The following TAFA5 variants were observed in gnomAD, a reference collection of about 807,000 sequenced individuals.
TAFA5 encodes chemokine-like protein TAFA-5.
TAFA5 carries 6 observed loss-of-function variants against 15.3 expected under a neutral mutation model. The observed-to-expected ratio is 0.39, with a 90% CI of 0.21 to 0.77. The LOEUF is 0.77. Among genes scored for constraint, TAFA5 ranks in the 30% least tolerant of loss-of-function variants. The pLI is 0.41. For synonymous variants in TAFA5, 103 were observed against 80.7 expected, an observed-to-expected ratio of 1.28 and a Z score of -1.48; for missense variants, 161 against 193.1, an observed-to-expected ratio of 0.83 and a Z score of 0.98.
At chr22:48,623,769 T>C (rs1925935352) in intron 1 of TAFA5, among the ~76,000 whole-genome samples, 1 of 152,248 alleles carries the variant, frequency 6.6e-6, no homozygotes, top group Non-Finnish European at 1.5e-5. Flanking sequence ...CCCTTCGTAT[T>C]TCCTACAGAT....
chr22:48,496,975 C>T (rs2147093496), intron 1 of TAFA5, among the ~76,000 whole-genome samples: 1 of 152,334 alleles, frequency 6.6e-6, no homozygotes, highest in African/African-American at 2.4e-5. Context: ...CCTCACCTCC[C>T]AGCCACCAGG....
At chr22:48,687,934 C>T (rs1301823259) in intron 2 of TAFA5, among the ~76,000 whole-genome samples, 1 of 152,158 alleles carries the variant, frequency 6.6e-6, no homozygotes, top group Non-Finnish European at 1.5e-5. Context: ...ACTGCGGCTG[C>T]CTCTCCTGTC....
At chr22:48,529,648 C>T (rs184525685) in intron 1 of TAFA5, among the ~76,000 whole-genome samples, 65 of 84,010 alleles carry the variant, frequency 7.7e-4, no homozygotes, top group African/African-American at 3.0e-3. Flanking sequence ...TGAGGGTGTC[C>T]AGGCAGGAGA....
chr22:48,743,659 G>T (rs1930245666), intron 3 of TAFA5, among the ~76,000 whole-genome samples: 1 of 152,210 alleles, frequency 6.6e-6, no homozygotes, highest in African/African-American at 2.4e-5. Flanking sequence ...GGAGCGGACT[G>T]TGGGGGAGCT....
At chr22:48,734,791 G>T (rs968447419) in intron 3 of TAFA5, among the ~76,000 whole-genome samples, 1 of 152,236 alleles carries the variant, frequency 6.6e-6, no homozygotes, top group Non-Finnish European at 1.5e-5. Context: ...TCTCAAATCA[G>T]TGAGGATGGG....
At chr22:48,684,126 C>A (rs1171372545) in intron 2 of TAFA5, among the ~76,000 whole-genome samples, 1 of 152,040 alleles carries the variant, frequency 6.6e-6, no homozygotes, top group Non-Finnish European at 1.5e-5. Flanking sequence ...ATGGAGTGAG[C>A]CGTTACCTGA....
At chr22:48,710,376 C>T (rs1929213652) in intron 3 of TAFA5, among the ~76,000 whole-genome samples, 1 of 152,188 alleles carries the variant, frequency 6.6e-6, no homozygotes, top group South Asian at 2.1e-4. Flanking sequence ...CCCAGCCCTC[C>T]CTGCCTCCTG....
chr22:48,541,222 A>G (rs550286662), intron 1 of TAFA5, among the ~76,000 whole-genome samples: 1 of 150,932 alleles, frequency 6.6e-6, no homozygotes, highest in Admixed American at 6.6e-5. Flanking sequence ...AACCTGTACC[A>G]TTTGGGGCAC....
chr22:48,690,683 G>A (rs765547826), intron 2 of TAFA5, among the ~76,000 whole-genome samples: 15 of 152,222 alleles, frequency 9.9e-5, no homozygotes, highest in Non-Finnish European at 2.1e-4. Flanking sequence ...CTGTAGTGTA[G>A]CATCTTGGAC....
In TAFA5 at chr22:48,516,059, A is replaced by G. The variant is rs528650843; in HGVS notation, c.112+26355A>G. On this transcript the variant is annotated intron_variant, in intron 1 of 3. Coordinates refer to ENST00000402357, the MANE Select transcript of TAFA5 (RefSeq NM_001082967.3). ...CACCCGCCGGCCTTGACCTCACCCA[A>G]TGGCAGGTTGAGGAGAAACAGACTT... Among the ~76,000 whole-genome samples the G allele has an allele frequency of 1.1e-4, 16 of 152,038 alleles. No individual in the cohort carries two copies. In the East Asian group the frequency reaches 2.9e-3, roughly 28 times the overall value.
intron 3 of TAFA5, among the ~76,000 whole-genome samples, chr22:48,718,498 C>T (rs1056704986): frequency 2.6e-5 from 4 of 152,058 alleles, no homozygotes; most frequent in Admixed American, 2.0e-4. Flanking sequence ...CCTGTGTGGG[C>T]GCCATCCTCC....
chr22:48,680,177 AC>A (rs1406958694), intron 2 of TAFA5, among the ~76,000 whole-genome samples: 1 of 151,812 alleles, frequency 6.6e-6, no homozygotes, highest in Non-Finnish European at 1.5e-5. Flanking sequence ...CCACCTGCTC[AC>A]CCCAGACCCC....
intron 2 of TAFA5, among the ~76,000 whole-genome samples, chr22:48,681,699 G>A (rs1332374055): frequency 6.6e-6 from 1 of 151,872 alleles, no homozygotes; most frequent in East Asian, 1.9e-4. Flanking sequence ...GAGGCAAGAA[G>A]TTTCCAAGAG....
At chr22:48,746,676 G>T (rs1930337269) in intron 3 of TAFA5, among the ~76,000 whole-genome samples, 1 of 152,168 alleles carries the variant, frequency 6.6e-6, no homozygotes, top group African/African-American at 2.4e-5. Context: ...GACCCGGGAG[G>T]TGTGCCCCGC....
At chr22:48,682,662 ACAGT>A (rs1928229815) in intron 2 of TAFA5, among the ~76,000 whole-genome samples, 1 of 152,222 alleles carries the variant, frequency 6.6e-6, no homozygotes, top group African/African-American at 2.4e-5. Flanking sequence ...ACCCAGAAGC[ACAGT>A]CATTGTCGCT....
chr22:48,689,095 C>A (rs963757402), intron 2 of TAFA5, among the ~76,000 whole-genome samples: 11 of 152,086 alleles, frequency 7.2e-5, no homozygotes, highest in Admixed American at 3.9e-4. Context: ...TGGTGTGGGT[C>A]CCTCCAGCCT....
At chr22:48,633,558 C>CTCTCTCTCTCTCTCTCTCTCT (rs1569056687) in intron 1 of TAFA5, among the ~76,000 whole-genome samples, 1 of 142,722 alleles carries the variant, frequency 7.0e-6, no homozygotes, top group African/African-American at 2.6e-5. Flanking sequence ...CTCTCTCTCT[C>CTCTCTCTCTCTCTCTCTCTCT]CATCTCTCCA....
intron 1 of TAFA5, among the ~76,000 whole-genome samples, chr22:48,542,445 G>T (rs1370354559): frequency 1.6e-5 from 2 of 127,220 alleles, no homozygotes; most frequent in Non-Finnish European, 3.3e-5. Flanking sequence ...TGTGTGTGTG[G>T]TGTATGTGCG....
At chr22:48,516,859 G>T (rs1921425522) in intron 1 of TAFA5, among the ~76,000 whole-genome samples, 1 of 152,198 alleles carries the variant, frequency 6.6e-6, no homozygotes, top group Non-Finnish European at 1.5e-5. Context: ...TGATGGGGAG[G>T]GGCTGTGGGG....
Sources: gnomAD v4.1 joint callset for allele counts (sites outside exome capture counted in the v4.1 genomes callset) on GRCh38, gnomAD v4.1.1 for gene constraint, MANE v1.5 for transcripts, NCBI Gene and HGNC (gene_info 2026-07-23, HGNC 2026-07-21) for gene names.